The following EPHX4 variants were observed in gnomAD, a reference collection of about 807,000 sequenced individuals.
EPHX4 encodes epoxide hydrolase 4.
A neutral mutation model predicts 44.9 loss-of-function variants in EPHX4; 31 were observed. That is an observed-to-expected ratio of 0.69 (90% confidence interval 0.52 to 0.93). The LOEUF (loss-of-function observed/expected upper bound fraction) is 0.93, where lower values mean the gene tolerates loss of function less well. EPHX4 is among the 40% of genes least tolerant of loss of function. The probability of loss-of-function intolerance (pLI) is 0.00; values close to 1 mark genes in which losing one functional copy is unlikely to be tolerated. For missense variants in EPHX4, 373 were observed against 438.1 expected, an observed-to-expected ratio of 0.85 and a Z score of 1.33; for synonymous variants, 151 against 159.7, an observed-to-expected ratio of 0.95 and a Z score of 0.41.
intron 6 of EPHX4, among the ~76,000 whole-genome samples, chr1:92,058,930 A>G (rs1237766962): frequency 6.6e-6 from 1 of 152,150 alleles, no homozygotes; most frequent in Non-Finnish European, 1.5e-5. Flanking sequence ...GTAATATATT[A>G]TCTCCTGCTT....
Position 92,045,560 on chromosome 1 carries a change from T to A in EPHX4, c.504T>A (p.His168Gln). ...ATAGCAAATGTGTTCTTATTGGCCA[T>A]GACTGGGGGGGCATGATTGCTTGGC... ...LGYSKCVLIG[H>Q]DWGGMIAWLI... Residue 168 changes from histidine to glutamine, a missense_variant, in exon 4 of 7, where the codon CAT (histidine) becomes CAA (glutamine). Physicochemically the swap from His to Gln is conservative, Grantham distance 24 (BLOSUM62 0). Coordinates refer to ENST00000370383, the MANE Select transcript of EPHX4 (RefSeq NM_173567.5). The A allele has an allele frequency of 6.2e-7, 1 of 1,613,862 alleles. No homozygotes were observed. The highest frequency in any genetic ancestry group is 8.5e-7 in the Non-Finnish European group (1 of 1,179,752).
intron 5 of EPHX4, among the ~76,000 whole-genome samples, chr1:92,052,198 A>G (rs1395519387): frequency 6.6e-6 from 1 of 152,200 alleles, no homozygotes; most frequent in African/African-American, 2.4e-5. Context: ...CAGAAGGGGA[A>G]TTAGTCATTT....
intron 4 of EPHX4, among the ~76,000 whole-genome samples, chr1:92,047,885 G>A (rs922172416): frequency 2.0e-5 from 3 of 152,166 alleles, no homozygotes; most frequent in Non-Finnish European, 2.9e-5. Flanking sequence ...TCACATGGAC[G>A]ATACTTTGAG....
At chr1:92,044,416 G>A (rs1023959031) in intron 3 of EPHX4, among the ~76,000 whole-genome samples, 2 of 152,198 alleles carry the variant, frequency 1.3e-5, no homozygotes, top group Non-Finnish European at 2.9e-5. Flanking sequence ...ATGTCTACGT[G>A]TGTGTATTAG....
At chr1:92,037,052 G>A (rs1688449046) in intron 2 of EPHX4, among the ~76,000 whole-genome samples, 1 of 151,492 alleles carries the variant, frequency 6.6e-6, no homozygotes, top group Admixed American at 6.6e-5. Context: ...TCATTTTAAA[G>A]GCCAAAAAAA....
intron 4 of EPHX4, among the ~76,000 whole-genome samples, chr1:92,046,784 T>A (rs1273365199): frequency 1.3e-5 from 2 of 152,192 alleles, no homozygotes; most frequent in Non-Finnish European, 2.9e-5. Flanking sequence ...AAGGTAACAA[T>A]GTGGAATGTG....
intron 5 of EPHX4, among the ~76,000 whole-genome samples, chr1:92,051,606 G>A (rs943796964): frequency 6.6e-6 from 1 of 152,012 alleles, no homozygotes; most frequent in Non-Finnish European, 1.5e-5. Flanking sequence ...TGATCTAGAG[G>A]CTTGATTAAA....
intron 6 of EPHX4, among the ~76,000 whole-genome samples, chr1:92,058,856 T>G (rs58634623): frequency 0.042 from 6,436 of 152,232 alleles, 167 homozygotes; most frequent in African/African-American, 0.071. Flanking sequence ...TGTAGTACTC[T>G]CCACAGTTGT....
intron 2 of EPHX4, among the ~76,000 whole-genome samples, chr1:92,035,592 T>G: frequency 6.6e-6 from 1 of 152,252 alleles, no homozygotes; most frequent in East Asian, 1.9e-4. Flanking sequence ...AAGCATTTAC[T>G]ATGAGCCAGG....
At chr1:92,061,534 C>T (rs1331322600) in intron 6 of EPHX4, among the ~76,000 whole-genome samples, 2 of 152,158 alleles carry the variant, frequency 1.3e-5, no homozygotes, top group South Asian at 2.1e-4. Context: ...AGGAATTCTA[C>T]TTCTAGGCTA....
At position 92,030,302 on chromosome 1, in the gene EPHX4, C is replaced by G; in HGVS notation, c.223C>G (p.Arg75Gly). 1 of 1,568,922 alleles carries G rather than the reference C, an allele frequency of 6.4e-7. No homozygotes were observed. The highest frequency in any genetic ancestry group is 8.6e-7 in the Non-Finnish European group (1 of 1,158,926). ...DPSLGTHCYV[R>G]IKDSGLRFHY... ...CTCCTTGGGCACCCACTGCTACGTGCGGATCAAGGTGAAGGGCCGCGCGGG... is the reference window on the plus strand; with the variant it reads ...CTCCTTGGGCACCCACTGCTACGTGGGGATCAAGGTGAAGGGCCGCGCGGG... Residue 75 changes from arginine (R) to glycine (G), a missense_variant, in exon 1 of 7, where the codon CGG becomes GGG. Coordinates refer to ENST00000370383, the MANE Select transcript of EPHX4 (RefSeq NM_173567.5).
chr1:92,031,734 C>T (rs1688365238), intron 1 of EPHX4, among the ~76,000 whole-genome samples: 1 of 152,102 alleles, frequency 6.6e-6, no homozygotes, highest in African/African-American at 2.4e-5. Context: ...ATTTTTATTC[C>T]TGCTGTTCCC....
chr1:92,040,137 C>T (rs1456352802), intron 2 of EPHX4, among the ~76,000 whole-genome samples: 1 of 150,484 alleles, frequency 6.6e-6, no homozygotes. Context: ...GTGTCTGACA[C>T]TCTTCCTGAT....
chr1:92,034,819 A>T (rs1188254535), intron 2 of EPHX4, among the ~76,000 whole-genome samples: 1 of 151,918 alleles, frequency 6.6e-6, no homozygotes, highest in Admixed American at 6.6e-5. Context: ...TTGAAGTTTT[A>T]GTAGAGACAA....
intron 1 of EPHX4, among the ~76,000 whole-genome samples, chr1:92,030,643 A>G (rs1688346569): frequency 6.6e-6 from 1 of 151,946 alleles, no homozygotes; most frequent in East Asian, 1.9e-4. Context: ...TCTTTTTCCT[A>G]CTGCAAGGGG....
intron 1 of EPHX4, among the ~76,000 whole-genome samples, 175 bp downstream of exon 1, chr1:92,030,485 T>TGTGTGTGTGTGTGTGAGTGAGA (rs1326928763): frequency 7.9e-5 from 11 of 138,720 alleles, no homozygotes; most frequent in African/African-American, 2.5e-4. Flanking sequence ...TGTGTGTGTG[T>TGTGTGTGTGTGTGTGAGTGAGA]GAGAGAGAGA....
intron 2 of EPHX4, among the ~76,000 whole-genome samples, chr1:92,034,486 A>G (rs550394268): frequency 1.3e-5 from 2 of 152,176 alleles, no homozygotes; most frequent in African/African-American, 4.8e-5. Context: ...GGTCTAGGAC[A>G]ATATCCTGTC....
intron 5 of EPHX4, among the ~76,000 whole-genome samples, chr1:92,051,988 C>A (rs892870987): frequency 6.6e-6 from 1 of 152,106 alleles, no homozygotes; most frequent in African/African-American, 2.4e-5. Flanking sequence ...TTTTTACAAA[C>A]AACTTTTAGA....
intron 4 of EPHX4, among the ~76,000 whole-genome samples, chr1:92,046,644 A>G (rs1688585958): frequency 6.6e-6 from 1 of 152,046 alleles, no homozygotes; most frequent in Non-Finnish European, 1.5e-5. Flanking sequence ...TTGTATTTTT[A>G]GTAGAGACAG....
Sources: gnomAD v4.1 joint callset for allele counts (sites outside exome capture counted in the v4.1 genomes callset) on GRCh38, gnomAD v4.1.1 for gene constraint, MANE v1.5 for transcripts, NCBI Gene and HGNC (gene_info 2026-07-23, HGNC 2026-07-21) for gene names.